Variants in PDE4DIP observed in about 807,000 individuals in gnomAD.
The protein encoded by PDE4DIP is phosphodiesterase 4D interacting protein.
In PDE4DIP, 59 loss-of-function variants were observed where a neutral mutation model predicts 221.4. The ratio of observed to expected loss-of-function variants is 0.27; its 90% CI spans 0.22 to 0.33. The LOEUF is 0.33. PDE4DIP is among the 10% of genes least tolerant of loss of function. The pLI is 1.00. For missense variants in PDE4DIP, 1,036 were observed against 2,154.2 expected (o/e 0.48, Z 10.28); for synonymous variants, 404 against 815.9 (o/e 0.50, Z 8.60).
intron 4 of PDE4DIP, among the ~76,000 whole-genome samples, chr1:148,936,711 A>T (rs1382147877): frequency 6.6e-6 from 1 of 152,212 alleles, no homozygotes; most frequent in African/African-American, 2.4e-5. Flanking sequence ...TTAAATTTTT[A>T]ATTTTTTTTT....
At chr1:149,032,530 C>T (rs2076975023) in exon 44 of PDE4DIP, 1 of 310,708 alleles carries the variant, frequency 3.2e-6, no homozygotes, top group East Asian at 4.8e-5. Flanking sequence ...TGGGTCGAGT[C>T]AGGCTGGGCC....
intron 6 of PDE4DIP, among the ~76,000 whole-genome samples, chr1:148,961,032 C>T (rs587598296): frequency 1.3e-3 from 191 of 152,312 alleles, no homozygotes; most frequent in African/African-American, 4.3e-3. Context: ...TGCAGGCCGG[C>T]GCAGTGGCTC....
intron 20 of PDE4DIP, among the ~76,000 whole-genome samples, chr1:148,980,566 G>T (rs587755344): frequency 6.6e-6 from 1 of 151,878 alleles, no homozygotes; most frequent in East Asian, 1.9e-4. Context: ...TACCTCTCTG[G>T]ATCATTTTAT....
At chr1:149,022,395 TGAA>T (rs1559392794) in intron 37 of PDE4DIP, among the ~76,000 whole-genome samples, 1 of 150,844 alleles carries the variant, frequency 6.6e-6, no homozygotes, top group East Asian at 2.0e-4. Context: ...TTCGGATATT[TGAA>T]GAAGTGTCAG....
At chr1:148,949,698 G>A (rs1747908) in intron 5 of PDE4DIP, among the ~76,000 whole-genome samples, 4 of 152,090 alleles carry the variant, frequency 2.6e-5, no homozygotes, top group South Asian at 2.1e-4. Context: ...TTATTTTCAC[G>A]TTTTATTATC....
At chr1:148,984,336 T>C (rs1553546941) in intron 21 of PDE4DIP, 1 of 152,086 alleles carries the variant, frequency 6.6e-6, no homozygotes, top group South Asian at 2.1e-4. Context: ...GAAATACATT[T>C]TTCCTTATTT....
intron 3 of PDE4DIP, among the ~76,000 whole-genome samples, chr1:148,876,927 T>G (rs1691647967): frequency 7.3e-6 from 1 of 137,718 alleles, no homozygotes; most frequent in African/African-American, 3.1e-5. Flanking sequence ...GGCAGGAGAA[T>G]CGCTTGAACC....
At chr1:148,826,072 G>A (rs1670467284) in intron 1 of PDE4DIP, among the ~76,000 whole-genome samples, 1 of 85,516 alleles carries the variant, frequency 1.2e-5, no homozygotes, top group Non-Finnish European at 2.4e-5. Context: ...TGAGTGCCTT[G>A]CTCCTCTCAT....
exon 24 of PDE4DIP, chr1:149,001,847 A>G: frequency 6.2e-7 from 1 of 1,611,482 alleles, no homozygotes; most frequent in East Asian, 2.2e-5. Context: ...GGAAGGGAAT[A>G]GTAAACTTAC....
chr1:148,838,883 T>C (rs4649508), intron 1 of PDE4DIP, among the ~76,000 whole-genome samples: 1,679 of 27,080 alleles, frequency 0.062, 64 homozygotes, highest in East Asian at 0.42. Flanking sequence ...CTTCAGTCTC[T>C]CCAGCAGTCT....
chr1:148,865,052 C>T (rs1358739570), intron 2 of PDE4DIP, among the ~76,000 whole-genome samples: 2 of 137,962 alleles, frequency 1.4e-5, no homozygotes, highest in African/African-American at 6.0e-5. Context: ...TTATTTTCAC[C>T]TAAATGTGGA....
At chr1:148,820,839 T>G (rs1668980827) in intron 1 of PDE4DIP, among the ~76,000 whole-genome samples, 1 of 113,004 alleles carries the variant, frequency 8.8e-6, no homozygotes, top group African/African-American at 2.9e-5. Context: ...GATTATTTAT[T>G]TATTTATTTA....
At chr1:149,030,857 A>G (rs1553636576) in intron 43 of PDE4DIP, 1 of 921,010 alleles carries the variant, frequency 1.1e-6, no homozygotes, top group Non-Finnish European at 1.3e-6. Flanking sequence ...AAAATGTTAT[A>G]TATGTACCAG....
intron 43 of PDE4DIP, 188 bp downstream of exon 46, chr1:149,030,466 C>T (rs587673347): frequency 2.1e-5 from 21 of 984,590 alleles, no homozygotes; most frequent in East Asian, 1.1e-4. Flanking sequence ...CCTCCCACCC[C>T]GTCAGCTCCT....
intron 1 of PDE4DIP, among the ~76,000 whole-genome samples, chr1:148,859,831 T>C (rs1229321863): frequency 6.4e-5 from 2 of 31,440 alleles, no homozygotes; most frequent in African/African-American, 1.9e-4. Flanking sequence ...TGTGTGTGTA[T>C]GTGTGTGTGT....
At chr1:149,012,496 A>G in intron 31 of PDE4DIP, 95 bp from the exon 35 acceptor site, 2 of 629,206 alleles carry the variant, frequency 3.2e-6, no homozygotes, top group South Asian at 4.0e-5. Context: ...ATGTCTGGTC[A>G]GGGAATGCTT....
chr1:148,981,281 A>C (rs1468788983), exon 21 of PDE4DIP: 1 of 1,613,266 alleles, frequency 6.2e-7, no homozygotes, highest in African/African-American at 1.3e-5. Flanking sequence ...TCTGAGAGAG[A>C]CCGAACTCTG....
intron 1 of PDE4DIP, 65 bp from the exon 2 acceptor site, chr1:148,863,185 G>C (rs1553402946): frequency 7.4e-6 from 3 of 406,118 alleles, no homozygotes; most frequent in Non-Finnish European, 1.2e-5. Context: ...TCTTCTCCTC[G>C]ATCCCTGGGA....
chr1:148,829,017 A>C (rs1671334880), intron 1 of PDE4DIP, among the ~76,000 whole-genome samples: 1 of 143,374 alleles, frequency 7.0e-6, no homozygotes, highest in Non-Finnish European at 1.6e-5. Context: ...TTCCTGCATA[A>C]ACACACACAC....
Sources: gnomAD v4.1 joint callset for allele counts (sites outside exome capture counted in the v4.1 genomes callset) on GRCh38, gnomAD v4.1.1 for gene constraint, MANE v1.5 for transcripts, NCBI Gene and HGNC (gene_info 2026-07-23, HGNC 2026-07-21) for gene names.